The following RNF214 variants were observed in gnomAD, a reference collection of about 807,000 sequenced individuals.
The protein encoded by RNF214 is ring finger protein 214.
In RNF214, 25 loss-of-function variants were observed where a neutral mutation model predicts 75.9. The observed-to-expected ratio is 0.33, with a 90% CI of 0.24 to 0.46. The LOEUF is 0.46. RNF214 is among the 20% of genes least tolerant of loss of function. RNF214 has a pLI of 1.00. For missense variants in RNF214, 725 were observed against 857.5 expected, an observed-to-expected ratio of 0.85 and a Z score of 1.93; for synonymous variants, 314 against 308.8, an observed-to-expected ratio of 1.02 and a Z score of -0.18.
chr11:117,271,955 G>C (rs1308454818), intron 6 of RNF214, among the ~76,000 whole-genome samples: 1 of 152,146 alleles, frequency 6.6e-6, no homozygotes, highest in Admixed American at 6.5e-5. Flanking sequence ...TAGGACTGCA[G>C]GAGCACACCA....
chr11:117,232,836 T>G (rs1591812282), intron 1 of RNF214, 110 bp downstream of exon 1: 2 of 125,896 alleles, frequency 1.6e-5, no homozygotes, highest in East Asian at 2.5e-4. Context: ...GGGGGTCGGG[T>G]GGGGGGCGTG....
chr11:117,279,105 A>C (rs1243807712), intron 6 of RNF214, among the ~76,000 whole-genome samples: 1 of 152,108 alleles, frequency 6.6e-6, no homozygotes, highest in Non-Finnish European at 1.5e-5. Flanking sequence ...TATAAAAAAC[A>C]AACAAACAAA....
rs1262441133 is a variant in RNF214, at chr11:117,244,486, C to T, written c.720C>T (p.Tyr240=). Residue 240 remains tyrosine, a synonymous_variant, in exon 5 of 15, where the codon TAC becomes TAT. Coordinates refer to ENST00000300650, the MANE Select transcript of RNF214 (RefSeq NM_207343.4). Reference sequence around the variant, plus strand: ...AGAGAACCCTGTTGAAAGAGCGTTACCAGGAGGTCCTGGACAAACAGAGGC... The same window carrying T: ...AGAGAACCCTGTTGAAAGAGCGTTATCAGGAGGTCCTGGACAAACAGAGGC... ...MTERTLLKER[Y]QEVLDKQRQV... 4 of 1,612,804 alleles carry T rather than the reference C, an allele frequency of 2.5e-6. No homozygotes were observed. Among genetic ancestry groups the T allele is most frequent in the Non-Finnish European group, 3.4e-6 (4 of 1,179,166 alleles).
At chr11:117,283,838 G>A (rs1344315915) in intron 14 of RNF214, among the ~76,000 whole-genome samples, 7 of 150,584 alleles carry the variant, frequency 4.6e-5, no homozygotes. Flanking sequence ...TTCTTTTTTA[G>A]TAGAGAGAAG....
chr11:117,266,560 A>G (rs1054388663), intron 6 of RNF214, among the ~76,000 whole-genome samples: 1 of 152,014 alleles, frequency 6.6e-6, no homozygotes, highest in East Asian at 1.9e-4. Flanking sequence ...GGGGTTTGCC[A>G]TGTCGCCCAG....
At chr11:117,254,110 G>A (rs2033464483) in intron 6 of RNF214, among the ~76,000 whole-genome samples, 1 of 152,106 alleles carries the variant, frequency 6.6e-6, no homozygotes, top group Admixed American at 6.6e-5. Flanking sequence ...TTAGCCAGGT[G>A]TGGTAGTGGC....
At chr11:117,256,094 C>T (rs2033513464) in intron 6 of RNF214, among the ~76,000 whole-genome samples, 1 of 152,156 alleles carries the variant, frequency 6.6e-6, no homozygotes, top group African/African-American at 2.4e-5. Context: ...CAGCCTGTGC[C>T]ACCTGCTCTA....
intron 6 of RNF214, among the ~76,000 whole-genome samples, chr11:117,250,342 G>C (rs1299366095): frequency 6.6e-6 from 1 of 152,148 alleles, no homozygotes; most frequent in African/African-American, 2.4e-5. Flanking sequence ...TAGTGACTAC[G>C]TGTTAAGTAA....
chr11:117,278,739 T>C (rs934241145), intron 6 of RNF214, among the ~76,000 whole-genome samples: 1 of 152,242 alleles, frequency 6.6e-6, no homozygotes, highest in African/African-American at 2.4e-5. Flanking sequence ...ACTTGAAAAT[T>C]AATAAACTTG....
At chr11:117,282,708 A>T (rs764682289) in intron 12 of RNF214, 38 bp from the exon 13 acceptor site, 8 of 1,585,074 alleles carry the variant, frequency 5.0e-6, no homozygotes, top group South Asian at 1.1e-5. Context: ...TGTTACTCAG[A>T]CTCTCTTCCC....
At chr11:117,280,460 C>T (rs1435915269) in intron 8 of RNF214, among the ~76,000 whole-genome samples, 2 of 152,188 alleles carry the variant, frequency 1.3e-5, no homozygotes, top group Admixed American at 6.5e-5. Flanking sequence ...CTCTTCCCTG[C>T]TACAGTTTTA....
At chr11:117,256,919 GT>G (rs1194968955) in intron 6 of RNF214, among the ~76,000 whole-genome samples, 2 of 152,136 alleles carry the variant, frequency 1.3e-5, no homozygotes, top group African/African-American at 4.8e-5. Context: ...AATAATAAAA[GT>G]TACACAAATA....
chr11:117,278,591 A>G (rs1399784060), intron 6 of RNF214, among the ~76,000 whole-genome samples: 1 of 152,190 alleles, frequency 6.6e-6, no homozygotes, highest in African/African-American at 2.4e-5. Context: ...GTACTGGGCA[A>G]ACCAGGAGAG....
intron 9 of RNF214, 43 bp from the exon 10 acceptor site, chr11:117,281,557 C>G (rs1237455152): frequency 6.7e-7 from 1 of 1,494,054 alleles, no homozygotes; most frequent in Non-Finnish European, 9.3e-7. Context: ...TTCTAGAGAG[C>G]CTGAGTCAGT....
chr11:117,234,200 G>T, intron 1 of RNF214, 67 bp from the exon 2 acceptor site: 1 of 1,146,488 alleles, frequency 8.7e-7, no homozygotes, highest in Non-Finnish European at 1.3e-6. Flanking sequence ...ACATTCTGAG[G>T]GGGGAGAGAT....
At chr11:117,239,534 T>C (rs543461595) in intron 3 of RNF214, 2 of 494,420 alleles carry the variant, frequency 4.0e-6, no homozygotes, top group African/African-American at 3.9e-5. Flanking sequence ...CACAACAGAC[T>C]GTAGAGGGCA....
chr11:117,241,451 A>G (rs1414587270), intron 4 of RNF214, among the ~76,000 whole-genome samples: 4 of 151,484 alleles, frequency 2.6e-5, no homozygotes, highest in Non-Finnish European at 5.9e-5. Context: ...GTGGTGGCGC[A>G]TGCCTCTAGT....
At chr11:117,265,517 G>A (rs904974365) in intron 6 of RNF214, among the ~76,000 whole-genome samples, 1 of 151,968 alleles carries the variant, frequency 6.6e-6, no homozygotes, top group Non-Finnish European at 1.5e-5. Context: ...GGGTTCAAGC[G>A]ATTCTCCTGT....
At position 117,280,221 on chromosome 11, in the gene RNF214, A is replaced by G; in HGVS notation, c.1107A>G (p.Glu369=). 1.2e-6 allele frequency: 2 copies of G among 1,613,842 alleles called. No individual in the cohort carries two copies. Among genetic ancestry groups the G allele is most frequent in the African/African-American group, 1.3e-5 (1 of 75,062 alleles). The part of the protein sequence containing the change: ...RKELLVLKLE[E]AEKEAELHLT... Reference sequence around the variant, plus strand: ...AGTTACTGGTACTGAAACTAGAAGAAGCAGAAAAAGAGGCAGAATTGCACC... The same window carrying G: ...AGTTACTGGTACTGAAACTAGAAGAGGCAGAAAAAGAGGCAGAATTGCACC... Residue 369 remains glutamate (E), a synonymous_variant, in exon 8 of 15, where the codon GAA becomes GAG. Coordinates refer to ENST00000300650, the MANE Select transcript of RNF214 (RefSeq NM_207343.4).
Sources: gnomAD v4.1 joint callset for allele counts (sites outside exome capture counted in the v4.1 genomes callset) on GRCh38, gnomAD v4.1.1 for gene constraint, MANE v1.5 for transcripts, NCBI Gene and HGNC (gene_info 2026-07-23, HGNC 2026-07-21) for gene names.